The following PCDH9 variants were observed in gnomAD, a reference collection of about 807,000 sequenced individuals.
PCDH9 encodes the protein protocadherin-9.
In PCDH9, 24 loss-of-function variants were observed where a neutral mutation model predicts 70.6. The ratio of observed to expected loss-of-function variants is 0.34; its 90% confidence interval spans 0.25 to 0.48. The LOEUF (loss-of-function observed/expected upper bound fraction) is 0.48, where lower values mean the gene tolerates loss of function less well. Ranked by LOEUF, PCDH9 falls within the 20% of genes least tolerant of loss-of-function variation. PCDH9 has a pLI of 0.99. For missense variants in PCDH9, 1,281 were observed against 1,503.6 expected (o/e 0.85, Z 2.45); for synonymous variants, 562 against 558.5 (o/e 1.01, Z -0.09).
intron 4 of PCDH9, among the ~76,000 whole-genome samples, chr13:66,376,166 C>T (rs1956743192): frequency 6.6e-6 from 1 of 152,058 alleles, no homozygotes; most frequent in Non-Finnish European, 1.5e-5. Context: ...AACCTAGCAC[C>T]TTAACCCATA....
chr13:66,995,651 G>C (rs2084098956), intron 2 of PCDH9, among the ~76,000 whole-genome samples: 1 of 152,130 alleles, frequency 6.6e-6, no homozygotes, highest in South Asian at 2.1e-4. Flanking sequence ...AAAAAGAAAA[G>C]AACATCTGTT....
chr13:66,625,620 T>C (rs2077488055), intron 4 of PCDH9, among the ~76,000 whole-genome samples: 1 of 151,800 alleles, frequency 6.6e-6, no homozygotes, highest in African/African-American at 2.4e-5. Flanking sequence ...TACATATATG[T>C]ATTCCTTTGC....
At chr13:66,324,065 T>A (rs572883696) in intron 4 of PCDH9, among the ~76,000 whole-genome samples, 1 of 152,178 alleles carries the variant, frequency 6.6e-6, no homozygotes, top group African/African-American at 2.4e-5. Context: ...ACAATTTTGC[T>A]CTAGCTCCAC....
chr13:66,572,159 A>T (rs1428648301), intron 4 of PCDH9, among the ~76,000 whole-genome samples: 1 of 152,126 alleles, frequency 6.6e-6, no homozygotes, highest in East Asian at 1.9e-4. Context: ...ACAATGTGTA[A>T]TAATCAAGTC....
At chr13:66,806,196 A>T (rs74626969) in intron 3 of PCDH9, among the ~76,000 whole-genome samples, 2,392 of 152,224 alleles carry the variant, frequency 0.016, 39 homozygotes, top group African/African-American at 0.046. Flanking sequence ...AACTTATTTT[A>T]TATCCCAAAT....
intron 2 of PCDH9, among the ~76,000 whole-genome samples, chr13:66,935,932 A>T (rs909258678): frequency 3.3e-5 from 5 of 152,042 alleles, no homozygotes; most frequent in Non-Finnish European, 1.5e-5. Flanking sequence ...TACAAAAAAA[A>T]AAATTAGCTG....
chr13:66,451,998 T>G (rs994641938), intron 4 of PCDH9, among the ~76,000 whole-genome samples: 1 of 152,196 alleles, frequency 6.6e-6, no homozygotes. Context: ...TAGACTGTCA[T>G]GGGTCCCCTA....
intron 4 of PCDH9, among the ~76,000 whole-genome samples, chr13:66,618,225 G>T (rs1024378176): frequency 1.3e-5 from 2 of 152,112 alleles, no homozygotes; most frequent in African/African-American, 4.8e-5. Flanking sequence ...GTGGCGGTGG[G>T]ACAAAGAACC....
chr13:67,072,581 C>T (rs1317172089), intron 2 of PCDH9, among the ~76,000 whole-genome samples: 2 of 152,028 alleles, frequency 1.3e-5, no homozygotes, highest in Admixed American at 1.3e-4. Context: ...AGCCATGAAC[C>T]TTGTGATGGG....
chr13:67,140,065 C>T (rs2087343097), intron 2 of PCDH9, among the ~76,000 whole-genome samples: 1 of 113,188 alleles, frequency 8.8e-6, no homozygotes, highest in African/African-American at 3.4e-5. Context: ...TTTAAAACAA[C>T]ACTATTCTTG....
chr13:66,318,011 C>A (rs1489408109), intron 4 of PCDH9, among the ~76,000 whole-genome samples: 1 of 152,040 alleles, frequency 6.6e-6, no homozygotes, highest in Non-Finnish European at 1.5e-5. Flanking sequence ...CCTAAGGGAA[C>A]TGTTGAAAAT....
At chr13:66,841,540 C>G (rs994640753) in intron 3 of PCDH9, among the ~76,000 whole-genome samples, 1 of 151,944 alleles carries the variant, frequency 6.6e-6, no homozygotes, top group East Asian at 1.9e-4. Context: ...TTTTTATACT[C>G]AACATATTTC....
chr13:66,781,021 A>G (rs1312956715), intron 3 of PCDH9, among the ~76,000 whole-genome samples: 1 of 152,174 alleles, frequency 6.6e-6, no homozygotes, highest in Non-Finnish European at 1.5e-5. Flanking sequence ...AGAATTCATC[A>G]TTCTGATTTC....
chr13:66,717,194 G>T lies in PCDH9; in HGVS notation c.3139-85783C>A, dbSNP rs574587864. On this transcript the variant is annotated intron_variant, in intron 3 of 4. Transcript: ENST00000377865. ...AAGCTGGCCGGGCACGGTGGCTCAC[G>T]CCTGTAACTGCAGCACTTTGGGAGG... is the stretch of plus-strand genomic sequence containing the variant. Among the ~76,000 whole-genome samples the T allele has an allele frequency of 2.0e-5, 3 of 151,852 alleles. No homozygotes were observed. The East Asian group carries it at 5.8e-4, about 29-fold the overall frequency.
At chr13:66,677,432 A>C (rs184884958) in intron 3 of PCDH9, among the ~76,000 whole-genome samples, 1 of 152,178 alleles carries the variant, frequency 6.6e-6, no homozygotes, top group East Asian at 1.9e-4. Flanking sequence ...GGCAGCTGGT[A>C]TAGTTTGGAT....
At chr13:67,161,700 A>G (rs1204307762) in intron 2 of PCDH9, among the ~76,000 whole-genome samples, 1 of 152,218 alleles carries the variant, frequency 6.6e-6, no homozygotes, top group Non-Finnish European at 1.5e-5. Flanking sequence ...TAAACACTTT[A>G]ATTTCCAGGG....
chr13:66,408,050 C>CTT (rs34109335), intron 4 of PCDH9, among the ~76,000 whole-genome samples: 43,415 of 132,032 alleles, frequency 0.33, 8,419 homozygotes, highest in East Asian at 0.55. Context: ...GCAGGGATCA[C>CTT]TTTTTTTTTT....
chr13:66,577,951 A>G (rs2076837874), intron 4 of PCDH9, among the ~76,000 whole-genome samples: 1 of 152,048 alleles, frequency 6.6e-6, no homozygotes, highest in South Asian at 2.1e-4. Flanking sequence ...AGGTGGAAAA[A>G]CTAATTTCTG....
At chr13:66,325,553 T>C (rs1955828663) in intron 4 of PCDH9, among the ~76,000 whole-genome samples, 1 of 152,124 alleles carries the variant, frequency 6.6e-6, no homozygotes, top group Admixed American at 6.5e-5. Context: ...TTTTATTAAG[T>C]AAGCCAGCCT....
Sources: allele counts gnomAD v4.1 joint callset (sites outside exome capture counted in the v4.1 genomes callset), GRCh38; gene constraint gnomAD v4.1.1; transcripts MANE v1.5; gene names NCBI Gene and HGNC (gene_info 2026-07-23, HGNC 2026-07-21).